FRRS1: variants seen among roughly 807,000 people sequenced by gnomAD.
The protein encoded by FRRS1 is ferric chelate reductase 1.
Under a neutral mutation model 70.7 loss-of-function variants are expected in FRRS1, and 51 were observed. The observed-to-expected ratio is 0.72, with a 90% CI of 0.58 to 0.91. FRRS1 has a LOEUF of 0.91. Ranked by LOEUF, FRRS1 falls within the 40% of genes least tolerant of loss-of-function variation. The probability of loss-of-function intolerance (pLI) is 0.00; values close to 1 mark genes in which losing one functional copy is unlikely to be tolerated. For missense variants in FRRS1, 672 were observed against 726.0 expected, an observed-to-expected ratio of 0.93 and a Z score of 0.86; for synonymous variants, 225 against 238.7, an observed-to-expected ratio of 0.94 and a Z score of 0.53.
chr1:99,727,986 A>T (rs973942149), intron 9 of FRRS1, among the ~76,000 whole-genome samples: 2 of 152,220 alleles, frequency 1.3e-5, no homozygotes, highest in Non-Finnish European at 2.9e-5. Context: ...TTCTCCCCTC[A>T]GTGGGAGGTC....
At chr1:99,764,824 T>C (rs1342520969) in intron 1 of FRRS1, among the ~76,000 whole-genome samples, 1 of 152,216 alleles carries the variant, frequency 6.6e-6, no homozygotes, top group Non-Finnish European at 1.5e-5. Context: ...ATGACCACCA[T>C]TAACAAAGTC....
chr1:99,731,225 G>A (rs1655366559), intron 7 of FRRS1, among the ~76,000 whole-genome samples: 1 of 152,092 alleles, frequency 6.6e-6, no homozygotes, highest in Non-Finnish European at 1.5e-5. Context: ...TCTTTCACTT[G>A]GTTTCTCCAT....
rs997985508 is a variant in FRRS1 at position 99,742,271 on chromosome 1, T to A, written c.336A>T (p.Gly112=). The change falls in exon 5 of 17, where the codon GGA becomes GGT. Residue 112 remains glycine (G), a splice_region_variant and synonymous_variant. Transcript: ENST00000646001. ...ATGCACTTCTGTGACTCACTGCTGA[T>A]CCCTGAAATAAAAGGGAAAAGAGCT... is the stretch of plus-strand genomic sequence containing the variant. The part of the protein sequence containing the change: ...SQLLTCEDIQ[G]SAVSHRSASK... 2 of 1,592,260 alleles carry A rather than the reference T, an allele frequency of 1.3e-6. No homozygotes were observed. Among genetic ancestry groups the A allele is most frequent in the South Asian group, 1.1e-5 (1 of 90,392 alleles).
chr1:99,740,877 T>C lies in FRRS1; in HGVS notation c.492A>G (p.Gln164=), dbSNP rs1175009462. 1 of 1,611,220 alleles carries C rather than the reference T, an allele frequency of 6.2e-7. No individual in the cohort carries two copies. The highest frequency in any genetic ancestry group is 8.5e-7 in the Non-Finnish European group (1 of 1,177,362). ...WVKIPGPIIS[Q]PNAFPFTTPK... ...GTGTTGTAAAAGGAAATGCATTTGG[T>C]TGTGAAATTATAGGACCAGGAATCT... is the stretch of plus-strand genomic sequence containing the variant. The change falls in exon 6 of 17, where the codon CAA becomes CAG. Residue 164 remains glutamine, a synonymous_variant. Coordinates refer to ENST00000646001, the MANE Select transcript of FRRS1 (RefSeq NM_001361041.2).
intron 9 of FRRS1, among the ~76,000 whole-genome samples, chr1:99,723,094 T>G (rs112622625): frequency 2.0e-5 from 3 of 152,288 alleles, no homozygotes; most frequent in African/African-American, 7.2e-5. Flanking sequence ...CAAATATATA[T>G]GCCCTATATG....
chr1:99,717,611 T>C, intron 10 of FRRS1, 86 bp from the exon 11 acceptor site: 1 of 867,474 alleles, frequency 1.2e-6, no homozygotes, highest in Non-Finnish European at 1.9e-6. Context: ...TCAGAAAATA[T>C]AAACAGCCAG....
At chr1:99,722,826 T>C (rs1205112035) in intron 9 of FRRS1, among the ~76,000 whole-genome samples, 1 of 152,196 alleles carries the variant, frequency 6.6e-6, no homozygotes, top group Admixed American at 6.5e-5. Flanking sequence ...TTCTACATTA[T>C]TCAGCAAGAA....
rs567588560 is a variant in FRRS1, at chr1:99,747,348, G to A, written c.279C>T (p.Ser93=). ...AEDLNGPPIG[S]FTLIDSEVSQ... is the part of the protein sequence containing the mutation. ...ACACTTCACTGTCAATCAATGTGAAGGAGCCAATAGGAGGGCCATTCAGAT... is the reference window on the plus strand; with the variant it reads ...ACACTTCACTGTCAATCAATGTGAAAGAGCCAATAGGAGGGCCATTCAGAT... The change falls in exon 4 of 17, where the codon TCC becomes TCT. Residue 93 remains serine (S), a synonymous_variant. Coordinates refer to ENST00000646001, the MANE Select transcript of FRRS1 (RefSeq NM_001361041.2). The A allele has an allele frequency of 2.0e-5, 33 of 1,613,972 alleles. No homozygotes were observed. In the South Asian group the frequency reaches 3.6e-4, roughly 18 times the overall value.
At chr1:99,743,721 G>A (rs978914536) in intron 4 of FRRS1, among the ~76,000 whole-genome samples, 1 of 152,096 alleles carries the variant, frequency 6.6e-6, no homozygotes, top group Non-Finnish European at 1.5e-5. Context: ...GCTAATTTTT[G>A]TATTGTTTTG....
chr1:99,725,056 G>A (rs1363420703), intron 9 of FRRS1, among the ~76,000 whole-genome samples: 1 of 152,164 alleles, frequency 6.6e-6, no homozygotes, highest in African/African-American at 2.4e-5. Flanking sequence ...GTTTTGGGAT[G>A]AAACTGCTCC....
chr1:99,744,243 A>G (rs1656123436), intron 4 of FRRS1, among the ~76,000 whole-genome samples: 1 of 152,202 alleles, frequency 6.6e-6, no homozygotes, highest in African/African-American at 2.4e-5. Context: ...GACTAATATT[A>G]TTCAAGAAAA....
chr1:99,709,247 T>C lies in FRRS1; in HGVS notation c.1637A>G (p.Asp546Gly), dbSNP rs1448096907. Residue 546 changes from aspartate to glycine, a missense_variant, in exon 16 of 17, where the codon GAT becomes GGT. By Grantham distance (94) the Asp-to-Gly change is moderately conservative (BLOSUM62 -1). Coordinates refer to ENST00000646001, the MANE Select transcript of FRRS1 (RefSeq NM_001361041.2). ...YRLSRKVEIL[D>G]DDRIQILQSF... Reference sequence around the variant, plus strand: ...CTGAAGGATCTGAATTCTGTCATCATCCAATATTTCAACTGTCAAGAATAA... The same window carrying C: ...CTGAAGGATCTGAATTCTGTCATCACCCAATATTTCAACTGTCAAGAATAA... 1.9e-6 allele frequency: 3 copies of C among 1,605,074 alleles called. No homozygotes were observed. The highest frequency in any genetic ancestry group is 4.5e-5 in the East Asian group (2 of 44,818).
intron 12 of FRRS1, among the ~76,000 whole-genome samples, chr1:99,713,736 G>A (rs1654384952): frequency 6.6e-6 from 1 of 152,164 alleles, no homozygotes; most frequent in Admixed American, 6.6e-5. Context: ...AATCTGTTCT[G>A]AACATATCAG....
rs534605660 is a variant in FRRS1, at chr1:99,744,146, A to AT, written c.334-1874dup. 3.5e-4 allele frequency among the ~76,000 whole-genome samples: 53 copies of AT among 152,102 alleles called. No homozygotes were observed. The Middle Eastern group carries it at 0.01, about 29-fold the overall frequency. On this transcript the variant is annotated intron_variant, in intron 4 of 16. Transcript: ENST00000646001. ...ATGCCAACAGATGCAAAAACCTCAC[A>AT]TTTTTTGTGAAAGACCTTTTCATCT...
intron 10 of FRRS1, among the ~76,000 whole-genome samples, chr1:99,717,728 G>A (rs1455953154): frequency 1.3e-5 from 2 of 152,134 alleles, no homozygotes; most frequent in African/African-American, 4.8e-5. Context: ...CTCCTATTAC[G>A]TGCCAGGCAT....
At chr1:99,742,063 C>A in intron 5 of FRRS1, 116 bp downstream of exon 5, 1 of 658,620 alleles carries the variant, frequency 1.5e-6, no homozygotes, top group Non-Finnish European at 2.7e-6. Flanking sequence ...CCATGTTGCC[C>A]AGGCCAGTCT....
chr1:99,746,803 A>G (rs1354753067), intron 4 of FRRS1, among the ~76,000 whole-genome samples: 2 of 152,240 alleles, frequency 1.3e-5, no homozygotes. Flanking sequence ...TACCATATAG[A>G]AACATTTTTA....
At chr1:99,749,694 C>T (rs985012482) in intron 1 of FRRS1, among the ~76,000 whole-genome samples, 3 of 152,196 alleles carry the variant, frequency 2.0e-5, no homozygotes, top group Non-Finnish European at 4.4e-5. Context: ...ATTGTCAGCC[C>T]ACACAATCTT....
At chr1:99,749,069 T>C (rs1472623360) in intron 1 of FRRS1, 68 bp from the exon 2 acceptor site, 1 of 219,736 alleles carries the variant, frequency 4.6e-6, no homozygotes, top group Non-Finnish European at 9.0e-6. Flanking sequence ...TAGATCTCGC[T>C]CTGTTGCCCG....
Sources: gnomAD v4.1 joint callset for allele counts (sites outside exome capture counted in the v4.1 genomes callset) on GRCh38, gnomAD v4.1.1 for gene constraint, MANE v1.5 for transcripts, NCBI Gene and HGNC (gene_info 2026-07-23, HGNC 2026-07-21) for gene names.